Variants in GAS7 observed in about 807,000 individuals in gnomAD.
GAS7 encodes growth arrest specific 7, also known as growth arrest-specific protein 7.
GAS7 carries 28 observed loss-of-function variants against 71.1 expected under a neutral mutation model. That is an observed-to-expected ratio of 0.39 (90% CI 0.29 to 0.54). The LOEUF (loss-of-function observed/expected upper bound fraction) is 0.54, where lower values mean the gene tolerates loss of function less well. GAS7 is among the 20% of genes least tolerant of loss of function. The pLI, the probability that GAS7 is intolerant of heterozygous loss-of-function variation, is 0.62. For missense variants in GAS7, 436 were observed against 627.8 expected (o/e 0.69, Z 3.27); for synonymous variants, 258 against 245.8 (o/e 1.05, Z -0.46).
intron 1 of GAS7, among the ~76,000 whole-genome samples, chr17:10,116,048 C>T (rs751157632): frequency 1.6e-4 from 24 of 152,170 alleles, no homozygotes; most frequent in Non-Finnish European, 3.1e-4. Flanking sequence ...TGGTGGCTCA[C>T]GACTGTAATC....
rs562447467 is a variant in GAS7, at chr17:10,198,130, C to A, written c.183+78G>T. 41 of 1,420,918 alleles carry A rather than the reference C, an allele frequency of 2.9e-5. No homozygotes were observed. In the African/African-American group the frequency reaches 5.7e-4, roughly 20 times the overall value. 88.0% of individuals were successfully genotyped at this position (1,420,918 alleles called of 1,614,324 possible). A position where few individuals can be genotyped will look rare whatever the true frequency, so the allele number is the denominator to read the frequency against. On this transcript the variant is annotated intron_variant, in intron 1 of 13. Coordinates refer to ENST00000432992, the MANE Select transcript of GAS7 (RefSeq NM_201433.2). ...CCTCCGACCGGGACGCTGCGGCATC[C>A]CCGGAACGGGCAACAGGTACGCGAG...
intron 2 of GAS7, among the ~76,000 whole-genome samples, chr17:9,992,874 G>A (rs1410387766): frequency 6.0e-5 from 9 of 151,232 alleles, no homozygotes; most frequent in Admixed American, 1.3e-4. Context: ...TTGTCCTTGC[G>A]ATAGTTTACT....
intron 1 of GAS7, among the ~76,000 whole-genome samples, chr17:10,133,084 C>G (rs909439546): frequency 6.7e-6 from 1 of 148,956 alleles, no homozygotes; most frequent in Non-Finnish European, 1.5e-5. Flanking sequence ...GTCCTGTCTA[C>G]TTTTTTCAAA....
At chr17:10,044,106 G>A (rs1348705321) in intron 1 of GAS7, among the ~76,000 whole-genome samples, 1 of 152,236 alleles carries the variant, frequency 6.6e-6, no homozygotes, top group Non-Finnish European at 1.5e-5. Context: ...ACTTTTTCTT[G>A]TAATGTCAGG....
At position 10,024,424 on chromosome 17, in the gene GAS7, C is replaced by G. The variant is rs965038389; in HGVS notation, c.184-4527G>C. On this transcript the variant is annotated intron_variant, in intron 1 of 13. Coordinates refer to ENST00000432992, the MANE Select transcript of GAS7 (RefSeq NM_201433.2). ...GGCTTTTTCCCTTCAATTCTGTCAG[C>G]ACTTTCCCGTGGGAACTGTACTGGA... Among the ~76,000 whole-genome samples, 9 of 152,188 alleles carry G rather than the reference C, an allele frequency of 5.9e-5. No homozygotes were observed. The South Asian group carries it at 6.2e-4, about 11-fold the overall frequency.
chr17:9,935,361 C>T (rs888293173), intron 8 of GAS7, among the ~76,000 whole-genome samples: 1 of 152,242 alleles, frequency 6.6e-6, no homozygotes, highest in African/African-American at 2.4e-5. Context: ...CTTGCCAATG[C>T]AGGCCCCAGG....
At chr17:10,104,565 A>T (rs1263773893) in intron 1 of GAS7, among the ~76,000 whole-genome samples, 1 of 152,092 alleles carries the variant, frequency 6.6e-6, no homozygotes, top group South Asian at 2.1e-4. Context: ...TATCATCCCT[A>T]TGCTGATGCT....
intron 2 of GAS7, among the ~76,000 whole-genome samples, chr17:10,004,449 T>C (rs535605812): frequency 6.6e-6 from 1 of 152,258 alleles, no homozygotes; most frequent in South Asian, 2.1e-4. Context: ...AGATCCTCCC[T>C]GTAGCCCAAA....
chr17:10,105,739 G>A (rs1330907128), intron 1 of GAS7, among the ~76,000 whole-genome samples: 1 of 152,092 alleles, frequency 6.6e-6, no homozygotes, highest in Non-Finnish European at 1.5e-5. Context: ...TGCAGAGCAC[G>A]TATCACTAGC....
intron 5 of GAS7, among the ~76,000 whole-genome samples, chr17:9,947,270 T>C (rs1054850977): frequency 1.3e-5 from 2 of 152,160 alleles, no homozygotes; most frequent in South Asian, 2.1e-4. Context: ...GAGTCTATCA[T>C]ACAGATACAG....
chr17:9,920,772 T>C (rs2067776272), intron 11 of GAS7, among the ~76,000 whole-genome samples: 1 of 152,210 alleles, frequency 6.6e-6, no homozygotes, highest in African/African-American at 2.4e-5. Flanking sequence ...TGGTGTTTGC[T>C]CACGATGGAA....
At chr17:10,129,609 TAGATATGACACCAAA>T (rs2073980394) in intron 1 of GAS7, among the ~76,000 whole-genome samples, 1 of 152,210 alleles carries the variant, frequency 6.6e-6, no homozygotes. Flanking sequence ...GATGCCTTCA[TAGATATGACACCAAA>T]AGCACAAGGA....
chr17:9,925,835 T>C (rs1012595286), intron 10 of GAS7, among the ~76,000 whole-genome samples: 1 of 152,052 alleles, frequency 6.6e-6, no homozygotes, highest in African/African-American at 2.4e-5. Context: ...CCTACCTCAA[T>C]CTCTCAAACC....
At chr17:10,113,441 T>C (rs1336119607) in intron 1 of GAS7, among the ~76,000 whole-genome samples, 2 of 152,236 alleles carry the variant, frequency 1.3e-5, no homozygotes, top group East Asian at 1.9e-4. Context: ...GCAACCTTTA[T>C]GCCCATTGGT....
chr17:10,013,732 T>A (rs1018265474), intron 2 of GAS7, among the ~76,000 whole-genome samples: 3 of 152,236 alleles, frequency 2.0e-5, no homozygotes, highest in African/African-American at 7.2e-5. Flanking sequence ...ACTCTTATCA[T>A]AAACCTGATC....
Position 9,996,156 on chromosome 17 carries a change from A to G in GAS7, c.305-14272T>C, listed in dbSNP as rs184722590. Reference sequence around the variant, plus strand: ...TTATTGTGGCACTATTCACAATAGCAAAGACTTGGAACCAAGTCAAATGTC... The same window carrying G: ...TTATTGTGGCACTATTCACAATAGCGAAGACTTGGAACCAAGTCAAATGTC... On this transcript the variant is annotated intron_variant, in intron 2 of 13. Coordinates refer to ENST00000432992, the MANE Select transcript of GAS7 (RefSeq NM_201433.2). 4.0e-3 allele frequency among the ~76,000 whole-genome samples: 605 copies of G among 152,336 alleles called. 10 individuals carry two copies. The highest frequency in any genetic ancestry group is 0.032 in the Admixed American group (491 of 15,300).
intron 5 of GAS7, among the ~76,000 whole-genome samples, chr17:9,948,722 C>T (rs552899019): frequency 2.3e-4 from 35 of 152,184 alleles, no homozygotes; most frequent in African/African-American, 7.2e-4. Flanking sequence ...GTAAGGCTGG[C>T]CCTAGCTAAG....
chr17:10,054,247 C>A lies in GAS7; in HGVS notation c.184-34350G>T, dbSNP rs4791925. 3.8e-3 allele frequency among the ~76,000 whole-genome samples: 578 copies of A among 151,840 alleles called. 11 individuals are homozygous for A. Among genetic ancestry groups the A allele is most frequent in the Admixed American group, 0.03 (454 of 15,244 alleles). ...GGGGAATATTTCCTGCTTTCCCTAA[C>A]CATAAGAAAAGGAATCCAAATGAAA... On this transcript the variant is annotated intron_variant, in intron 1 of 13. Transcript: ENST00000432992.
chr17:10,168,673 T>C (rs1210950534), intron 1 of GAS7, among the ~76,000 whole-genome samples: 1 of 152,140 alleles, frequency 6.6e-6, no homozygotes, highest in Admixed American at 6.5e-5. Flanking sequence ...AATTGTGTGG[T>C]TAAAAAATTA....
Sources: gnomAD v4.1 joint callset for allele counts (sites outside exome capture counted in the v4.1 genomes callset) on GRCh38, gnomAD v4.1.1 for gene constraint, MANE v1.5 for transcripts, NCBI Gene and HGNC (gene_info 2026-07-23, HGNC 2026-07-21) for gene names.